Variants in FSAF1 observed in about 807,000 individuals in gnomAD.
The protein encoded by FSAF1 is uncharacterized protein C1orf131.
the FSAF1 span, among the ~76,000 whole-genome samples, chr1:231,234,855 G>C: frequency 6.6e-6 from 1 of 152,100 alleles, no homozygotes; most frequent in Non-Finnish European, 1.5e-5. The surrounding 1 kb of genome is among the most constrained non-coding windows in gnomAD (Gnocchi z 4.0). Flanking sequence ...TAGCAAGGCT[G>C]TTTTCTCCCT....
At chr1:231,228,103 CAT>C in the FSAF1 span, among the ~76,000 whole-genome samples, 1 of 152,206 alleles carries the variant, frequency 6.6e-6, no homozygotes, top group African/African-American at 2.4e-5. Flanking sequence ...CAGCTTCAAA[CAT>C]AGATCCATGG....
At chr1:231,232,861 C>T in the FSAF1 span, among the ~76,000 whole-genome samples, 5 of 152,138 alleles carry the variant, frequency 3.3e-5, no homozygotes, top group Non-Finnish European at 7.3e-5. Context: ...AGTTGAAGTG[C>T]CCAACCAACC....
At chr1:231,241,022 AC>A in the FSAF1 span, 1 of 1,613,310 alleles carries the variant, frequency 6.2e-7, no homozygotes, top group South Asian at 1.1e-5. Flanking sequence ...CCCCGCACTC[AC>A]CAAAGTCGTA....
At chr1:231,228,325 G>A in the FSAF1 span, among the ~76,000 whole-genome samples, 202 of 152,314 alleles carry the variant, frequency 1.3e-3, no homozygotes, top group African/African-American at 4.4e-3. Flanking sequence ...CAGACCAGGC[G>A]TGGTGGCTCA....
the FSAF1 span, chr1:231,241,092 G>A: frequency 5.0e-6 from 8 of 1,614,102 alleles, no homozygotes; most frequent in Admixed American, 8.3e-5. Context: ...GGAGGACCCC[G>A]GCCCTTGCTC....
the FSAF1 span, chr1:231,239,263 T>C: frequency 1.6e-6 from 2 of 1,265,244 alleles, no homozygotes; most frequent in Non-Finnish European, 2.2e-6. Flanking sequence ...CCTACGAATG[T>C]ATTTGTACAT....
At chr1:231,238,915 A>G in the FSAF1 span, 5 of 1,614,120 alleles carry the variant, frequency 3.1e-6, no homozygotes, top group South Asian at 1.1e-5. Flanking sequence ...GTGAAATTCT[A>G]CCACTTCTAC....
At chr1:231,226,896 T>G in the FSAF1 span, 2 of 1,598,642 alleles carry the variant, frequency 1.3e-6, no homozygotes, top group Non-Finnish European at 1.7e-6. Context: ...TCCCTTGCCC[T>G]GACTTGCTCT....
the FSAF1 span, chr1:231,238,968 A>G: frequency 6.2e-7 from 1 of 1,614,200 alleles, no homozygotes; most frequent in African/African-American, 1.3e-5. Flanking sequence ...GAACTGCAGC[A>G]GCAAGGATCT....
the FSAF1 span, chr1:231,226,813 T>C: frequency 1.5e-5 from 24 of 1,607,406 alleles, no homozygotes; most frequent in Non-Finnish European, 2.0e-5. Context: ...TTCACATAAC[T>C]CTTTTTAGGA....
At chr1:231,238,548 G>C in the FSAF1 span, 1 of 231,884 alleles carries the variant, frequency 4.3e-6, no homozygotes, top group East Asian at 8.8e-5. Flanking sequence ...TGATCAGAGT[G>C]TTTTTGCATA....
chr1:231,238,034 T>A, the FSAF1 span: 7 of 152,176 alleles, frequency 4.6e-5, no homozygotes, highest in East Asian at 1.4e-3. Flanking sequence ...TACAAAAAAC[T>A]AGCCAGGCGT....
the FSAF1 span, among the ~76,000 whole-genome samples, chr1:231,230,123 A>C: frequency 6.6e-6 from 1 of 152,222 alleles, no homozygotes; most frequent in African/African-American, 2.4e-5. Flanking sequence ...AAGAACAACT[A>C]ACAGAAGAAA....
chr1:231,239,043 C>G, the FSAF1 span: 2 of 1,614,126 alleles, frequency 1.2e-6, no homozygotes, highest in South Asian at 2.2e-5. Context: ...TGAAGAAGCT[C>G]GAAGCGCTCT....
the FSAF1 span, chr1:231,225,753 C>T: frequency 5.7e-6 from 3 of 530,782 alleles, no homozygotes; most frequent in Non-Finnish European, 3.4e-6. Flanking sequence ...CTCCAGGAAG[C>T]CAAGGGGGGA....
the FSAF1 span, chr1:231,225,471 C>G: frequency 1.3e-5 from 21 of 1,613,492 alleles, no homozygotes; most frequent in Non-Finnish European, 1.7e-5. Context: ...AATCACTCAC[C>G]TGTCCTCCTG....
chr1:231,227,134 C>CCAGAAG, the FSAF1 span: 1 of 1,502,896 alleles, frequency 6.7e-7, no homozygotes, highest in Non-Finnish European at 9.2e-7. Context: ...AAACATACTG[C>CCAGAAG]CAGAAGTAAT....
At chr1:231,238,578 G>A in the FSAF1 span, 1 of 304,554 alleles carries the variant, frequency 3.3e-6, no homozygotes, top group African/African-American at 2.1e-5. Flanking sequence ...TTGAGCCACT[G>A]CTGTACCAAG....
chr1:231,240,984 A>G, the FSAF1 span: 1 of 1,572,922 alleles, frequency 6.4e-7, no homozygotes. This position sits in a 1 kb window ranked among gnomAD's most constrained non-coding sequence, Gnocchi z 4.1. Flanking sequence ...ACGTTCCTCA[A>G]ATCTGTTCTC....
Sources: allele counts gnomAD v4.1 joint callset (sites outside exome capture counted in the v4.1 genomes callset), GRCh38; gene constraint gnomAD v4.1.1; non-coding constraint Gnocchi (gnomAD v3.1); transcripts MANE v1.5; gene names NCBI Gene and HGNC (gene_info 2026-07-23, HGNC 2026-07-21).